The following PPARG variants were observed in gnomAD, a reference collection of about 807,000 sequenced individuals.
PPARG encodes the protein peroxisome proliferator activated receptor gamma.
PPARG carries 17 observed loss-of-function variants against 39.2 expected under a neutral mutation model. The observed-to-expected ratio is 0.43, with a 90% CI of 0.30 to 0.65. The LOEUF (loss-of-function observed/expected upper bound fraction) is 0.65. PPARG is among the 30% of genes least tolerant of loss of function. PPARG has a pLI of 0.13. For synonymous variants in PPARG, 223 were observed against 215.7 expected, an observed-to-expected ratio of 1.03 and a Z score of -0.30; for missense variants, 406 against 585.9, an observed-to-expected ratio of 0.69 and a Z score of 3.17.
At chr3:12,290,798 A>G (rs2046629298) in intron 1 of PPARG, among the ~76,000 whole-genome samples, 1 of 152,210 alleles carries the variant, frequency 6.6e-6, no homozygotes, top group Non-Finnish European at 1.5e-5. Flanking sequence ...CGTGGAACAT[A>G]TACAAGTATT....
chr3:12,319,130 C>T (rs1559491762), intron 2 of PPARG, among the ~76,000 whole-genome samples: 1 of 152,168 alleles, frequency 6.6e-6, no homozygotes, highest in Non-Finnish European at 1.5e-5. Context: ...CATGGCTTTC[C>T]TCTCAAGCCC....
intron 4 of PPARG, among the ~76,000 whole-genome samples, chr3:12,388,114 A>G (rs1191305724): frequency 1.3e-5 from 2 of 152,168 alleles, no homozygotes; most frequent in East Asian, 1.9e-4. Context: ...ATTTTCACCA[A>G]CATTTATCAA....
At chr3:12,380,068 T>TA in intron 3 of PPARG, 137 bp downstream of exon 3, 2 of 869,242 alleles carry the variant, frequency 2.3e-6, no homozygotes, top group Admixed American at 4.1e-5. Flanking sequence ...TTCACCCATT[T>TA]ATCCATGAAA....
chr3:12,342,183 A>G (rs1308076208), intron 2 of PPARG, among the ~76,000 whole-genome samples: 1 of 152,230 alleles, frequency 6.6e-6, no homozygotes, highest in African/African-American at 2.4e-5. Context: ...ATCCTTGGAT[A>G]TAGTGTCCAG....
chr3:12,375,138 G>T (rs906266461), intron 2 of PPARG, among the ~76,000 whole-genome samples: 1 of 152,080 alleles, frequency 6.6e-6, no homozygotes, highest in Non-Finnish European at 1.5e-5. Context: ...TATATTCCCG[G>T]AAGTTTGGGA....
intron 7 of PPARG, among the ~76,000 whole-genome samples, chr3:12,429,584 G>A (rs934433890): frequency 1.3e-5 from 2 of 151,616 alleles, no homozygotes; most frequent in Admixed American, 6.6e-5. Flanking sequence ...GAAGCAGGTG[G>A]AGGAAGGAGG....
At chr3:12,335,607 G>A (rs1052308864) in intron 2 of PPARG, among the ~76,000 whole-genome samples, 5 of 152,144 alleles carry the variant, frequency 3.3e-5, no homozygotes, top group African/African-American at 1.2e-4. Context: ...TGCTTGAAAA[G>A]TGGCCAGATG....
chr3:12,420,840 C>T (rs1431598534), intron 7 of PPARG, among the ~76,000 whole-genome samples: 2 of 152,234 alleles, frequency 1.3e-5, no homozygotes, highest in Admixed American at 6.5e-5. Flanking sequence ...CTGCTGTTCA[C>T]TCAGCTCTCA....
Position 12,366,875 on chromosome 3 carries a change from T to A in PPARG, c.-8-12829T>A, listed in dbSNP as rs556374322. Among the ~76,000 whole-genome samples the A allele has an allele frequency of 8.1e-4, 123 of 152,296 alleles. 1 individual carries two copies. The highest frequency in any genetic ancestry group is 2.9e-3 in the African/African-American group (120 of 41,574). On this transcript the variant is annotated intron_variant, in intron 2 of 7. Coordinates refer to ENST00000651735, the MANE Select transcript of PPARG (RefSeq NM_138711.6). ...GGGTTTATTTTCCTTGTAATGTCTG[T>A]TTTGTTTTAGTATTAGGGTAATTCT...
chr3:12,288,976 T>C (rs2124912326), upstream of PPARG: 1 of 152,414 alleles, frequency 6.6e-6, no homozygotes, highest in Non-Finnish European at 1.5e-5. Context: ...ACTTTACGCC[T>C]CGGTGTTTAG....
intron 2 of PPARG, among the ~76,000 whole-genome samples, chr3:12,321,935 C>T (rs146838493): frequency 2.8e-4 from 42 of 152,304 alleles, no homozygotes; most frequent in African/African-American, 9.4e-4. Flanking sequence ...TGTCATTGAA[C>T]ATTTTCAGAT....
At chr3:12,385,967 G>A (rs2049853842) in intron 4 of PPARG, among the ~76,000 whole-genome samples, 1 of 151,792 alleles carries the variant, frequency 6.6e-6, no homozygotes, top group African/African-American at 2.4e-5. Context: ...TGAAAAATTT[G>A]TCTGTTACTT....
intron 4 of PPARG, among the ~76,000 whole-genome samples, chr3:12,388,978 T>A (rs2125202532): frequency 6.6e-6 from 1 of 152,234 alleles, no homozygotes; most frequent in Admixed American, 6.5e-5. Flanking sequence ...ATTACCAGAA[T>A]GAAAGCAACA....
intron 6 of PPARG, among the ~76,000 whole-genome samples, chr3:12,410,990 T>C (rs576181115): frequency 6.6e-6 from 1 of 152,210 alleles, no homozygotes; most frequent in East Asian, 1.9e-4. Context: ...AGAAATAAAA[T>C]CAGGATAGTA....
At chr3:12,418,884 G>A (rs183247792) in intron 7 of PPARG, among the ~76,000 whole-genome samples, 7 of 152,272 alleles carry the variant, frequency 4.6e-5, no homozygotes, top group African/African-American at 7.2e-5. Context: ...GGGTCAAGTC[G>A]TGATTCACTT....
chr3:12,371,713 G>A, intron 2 of PPARG: 1 of 450,586 alleles, frequency 2.2e-6, no homozygotes, highest in Non-Finnish European at 4.2e-6. Context: ...AGAATGCCAG[G>A]CTCAGAGGAG....
chr3:12,290,514 G>A (rs2046621802), intron 1 of PPARG, among the ~76,000 whole-genome samples: 1 of 151,714 alleles, frequency 6.6e-6, no homozygotes, highest in Non-Finnish European at 1.5e-5. Context: ...GTATGTTTCA[G>A]AACTACTTTT....
chr3:12,298,324 A>AAAAAAAAAAAAAAAAAAAAAG lies in PPARG; in HGVS notation c.-83+9193_-83+9194insAAAAAAAAAAAAAAAAAGAAA, dbSNP rs764771478. ...AAAAAAAAAAAAAAAAAAAAAAAAA[A>AAAAAAAAAAAAAAAAAAAAAG]AAAGAAATGTAAAATAGCAAGCGAG... is the stretch of plus-strand genomic sequence containing the variant. On this transcript the variant is annotated intron_variant, in intron 1 of 7. Transcript: ENST00000651735. 4.5e-5 allele frequency among the ~76,000 whole-genome samples: 6 copies of AAAAAAAAAAAAAAAAAAAAAG among 134,642 alleles called. 1 individual carries two copies. Among genetic ancestry groups the AAAAAAAAAAAAAAAAAAAAAG allele is most frequent in the Non-Finnish European group, 4.9e-5 (3 of 61,312 alleles). The allele number at this position is 134,642 out of a possible 152,430, so 88.3% of individuals were successfully genotyped here.
chr3:12,290,337 C>T (rs12496413), intron 1 of PPARG, among the ~76,000 whole-genome samples: 38,613 of 151,854 alleles, frequency 0.25, 5,669 homozygotes, highest in Middle Eastern at 0.35. Flanking sequence ...CATTTCTTTA[C>T]ATTAAAAAGA....
Sources: allele counts gnomAD v4.1 joint callset (sites outside exome capture counted in the v4.1 genomes callset), GRCh38; gene constraint gnomAD v4.1.1; transcripts MANE v1.5; gene names NCBI Gene and HGNC (gene_info 2026-07-23, HGNC 2026-07-21).